EXOC6B: variants seen among roughly 807,000 people sequenced by gnomAD.
The protein encoded by EXOC6B is SEC15 homolog B.
A neutral mutation model predicts 113.5 loss-of-function variants in EXOC6B; 54 were observed. The ratio of observed to expected loss-of-function variants is 0.48; its 90% CI spans 0.38 to 0.60. EXOC6B has a LOEUF of 0.60. Ranked by LOEUF, EXOC6B falls within the 20% of genes least tolerant of loss-of-function variation. EXOC6B has a pLI of 0.00. For missense variants in EXOC6B, 797 were observed against 977.5 expected, an observed-to-expected ratio of 0.82 and a Z score of 2.46; for synonymous variants, 357 against 339.0, an observed-to-expected ratio of 1.05 and a Z score of -0.58.
At chr2:72,519,878 A>C (rs1446786771) in intron 8 of EXOC6B, among the ~76,000 whole-genome samples, 1 of 152,212 alleles carries the variant, frequency 6.6e-6, no homozygotes, top group East Asian at 1.9e-4. Flanking sequence ...AAAGGGCTCT[A>C]AGAAATGCTT....
At chr2:72,578,523 C>T in intron 6 of EXOC6B, among the ~76,000 whole-genome samples, 1 of 152,030 alleles carries the variant, frequency 6.6e-6, no homozygotes, top group East Asian at 1.9e-4. Context: ...AACCCAAGTA[C>T]AATTCTTCTT....
chr2:72,612,299 T>C (rs1265836054), intron 6 of EXOC6B, among the ~76,000 whole-genome samples: 1 of 151,968 alleles, frequency 6.6e-6, no homozygotes, highest in African/African-American at 2.4e-5. Flanking sequence ...AAAATCATCT[T>C]GGTGCACCAA....
chr2:72,218,111 T>C (rs982290325), intron 20 of EXOC6B, among the ~76,000 whole-genome samples: 2 of 152,168 alleles, frequency 1.3e-5, no homozygotes, highest in African/African-American at 4.8e-5. Context: ...GAGGAGGTTT[T>C]GCCGGTTTAT....
chr2:72,790,667 G>C (rs1431221004), intron 1 of EXOC6B, among the ~76,000 whole-genome samples: 1 of 152,094 alleles, frequency 6.6e-6, no homozygotes, highest in Admixed American at 6.5e-5. Flanking sequence ...CAAAATAAGA[G>C]TCTAGAAAAT....
chr2:72,389,369 C>T (rs1434135347), intron 18 of EXOC6B, among the ~76,000 whole-genome samples: 2 of 151,836 alleles, frequency 1.3e-5, no homozygotes, highest in Non-Finnish European at 2.9e-5. Context: ...ACATATTTTA[C>T]TTCTATATAT....
chr2:72,394,152 A>C (rs1692571662), intron 18 of EXOC6B, among the ~76,000 whole-genome samples: 1 of 152,172 alleles, frequency 6.6e-6, no homozygotes, highest in South Asian at 2.1e-4. Context: ...TACAACTTTT[A>C]TTCCTATGAT....
intron 7 of EXOC6B, among the ~76,000 whole-genome samples, chr2:72,572,351 G>A (rs562084679): frequency 4.3e-4 from 66 of 152,214 alleles, no homozygotes; most frequent in Non-Finnish European, 5.6e-4. Flanking sequence ...ATGCTTCCCA[G>A]GTGATTCCCA....
intron 18 of EXOC6B, among the ~76,000 whole-genome samples, chr2:72,408,874 A>G (rs1693976033): frequency 6.6e-6 from 1 of 152,224 alleles, no homozygotes; most frequent in South Asian, 2.1e-4. Flanking sequence ...ATGGGATCTC[A>G]TTAAACTAAA....
Position 72,410,502 on chromosome 2 carries a change from C to T in EXOC6B, c.1981-30632G>A, listed in dbSNP as rs989405882. ...GCTGCCACAAGCAAAAGGCTATACACAGGCCTTTATGCAATTTTATCAGGT... is the reference window on the plus strand; with the variant it reads ...GCTGCCACAAGCAAAAGGCTATACATAGGCCTTTATGCAATTTTATCAGGT... On this transcript the variant is annotated intron_variant, in intron 18 of 21. Transcript: ENST00000272427. 3.3e-5 allele frequency among the ~76,000 whole-genome samples: 5 copies of T among 152,296 alleles called. No individual in the cohort carries two copies. The East Asian group carries it at 9.7e-4, about 29-fold the overall frequency.
intron 20 of EXOC6B, among the ~76,000 whole-genome samples, chr2:72,239,963 T>C (rs1361092093): frequency 6.6e-6 from 1 of 152,172 alleles, no homozygotes; most frequent in Non-Finnish European, 1.5e-5. Flanking sequence ...TCATTGCTAC[T>C]GTACAGAAAT....
At chr2:72,642,739 G>A (rs1172584719) in intron 6 of EXOC6B, among the ~76,000 whole-genome samples, 1 of 151,116 alleles carries the variant, frequency 6.6e-6, no homozygotes, top group Admixed American at 6.6e-5. Flanking sequence ...AACAGCAATG[G>A]CAACAAAAGA....
intron 6 of EXOC6B, among the ~76,000 whole-genome samples, chr2:72,676,537 C>T (rs1676326873): frequency 6.6e-6 from 1 of 152,130 alleles, no homozygotes; most frequent in Non-Finnish European, 1.5e-5. Flanking sequence ...GCATCAGAAG[C>T]AGAGTACACA....
At chr2:72,633,241 C>T (rs1416593832) in intron 6 of EXOC6B, among the ~76,000 whole-genome samples, 1 of 152,180 alleles carries the variant, frequency 6.6e-6, no homozygotes, top group Non-Finnish European at 1.5e-5. Context: ...TCCTGGAGAC[C>T]TCCAACCTCC....
intron 20 of EXOC6B, among the ~76,000 whole-genome samples, chr2:72,278,815 GT>G: frequency 6.6e-6 from 1 of 152,076 alleles, no homozygotes; most frequent in East Asian, 1.9e-4. Context: ...TACATAAAGG[GT>G]TAAAGGAGAC....
intron 6 of EXOC6B, among the ~76,000 whole-genome samples, chr2:72,617,362 G>A (rs763673062): frequency 6.6e-6 from 1 of 152,064 alleles, no homozygotes. Context: ...GACTCTGTGT[G>A]GGGGCTCTGA....
chr2:72,393,515 T>A (rs1355953207), intron 18 of EXOC6B, among the ~76,000 whole-genome samples: 1 of 152,182 alleles, frequency 6.6e-6, no homozygotes, highest in Non-Finnish European at 1.5e-5. Flanking sequence ...AGCAATAGTG[T>A]AATTTTATAT....
At chr2:72,565,847 T>A (rs1704141635) in intron 7 of EXOC6B, among the ~76,000 whole-genome samples, 1 of 151,912 alleles carries the variant, frequency 6.6e-6, no homozygotes, top group South Asian at 2.1e-4. Flanking sequence ...CTGGGGTGGG[T>A]GGTGGGGTAT....
chr2:72,446,985 T>C (rs1043961437), intron 18 of EXOC6B, among the ~76,000 whole-genome samples: 1 of 151,748 alleles, frequency 6.6e-6, no homozygotes, highest in African/African-American at 2.4e-5. Context: ...ATGTCTGTAA[T>C]CCCAGCTACT....
At chr2:72,491,927 T>A (rs76352418) in intron 16 of EXOC6B, among the ~76,000 whole-genome samples, 3,191 of 152,240 alleles carry the variant, frequency 0.021, 104 homozygotes, top group African/African-American at 0.07. Context: ...TAGGTATCAA[T>A]AACTGATGCA....
Sources: allele counts gnomAD v4.1 joint callset (sites outside exome capture counted in the v4.1 genomes callset), GRCh38; gene constraint gnomAD v4.1.1; transcripts MANE v1.5; gene names NCBI Gene and HGNC (gene_info 2026-07-23, HGNC 2026-07-21).